The following MTG2 variants were observed in gnomAD, a reference collection of about 807,000 sequenced individuals.
The protein encoded by MTG2 is mitochondrial ribosome-associated GTPase 2.
A neutral mutation model predicts 28.6 loss-of-function variants in MTG2; 23 were observed. The observed-to-expected ratio is 0.80, with a 90% CI of 0.58 to 1.14. The LOEUF is 1.14. Ranked by LOEUF, MTG2 falls within the 50% of genes most tolerant of loss-of-function variation. The pLI, the probability that MTG2 is intolerant of heterozygous loss-of-function variation, is 0.00. For missense variants in MTG2, 539 were observed against 552.0 expected, an observed-to-expected ratio of 0.98 and a Z score of 0.24; for synonymous variants, 260 against 251.8, an observed-to-expected ratio of 1.03 and a Z score of -0.31.
chr20:62,195,770 G>A (rs375869302), intron 2 of MTG2, 32 bp from the exon 3 acceptor site: 3 of 1,613,250 alleles, frequency 1.9e-6, no homozygotes, highest in African/African-American at 2.7e-5. Flanking sequence ...TTGGAGTGTT[G>A]AGATGACGTG....
At chr20:62,194,503 T>C (rs900831678) in intron 2 of MTG2, among the ~76,000 whole-genome samples, 68 of 152,244 alleles carry the variant, frequency 4.5e-4, no homozygotes, top group African/African-American at 1.6e-3. Context: ...GCATTACACA[T>C]TGAAATTTGG....
rs144895756 is a variant in MTG2, at chr20:62,195,887, G to A, written c.290G>A (p.Arg97His). Residue 97 changes from arginine (R) to histidine (H), a missense_variant, in exon 3 of 7, where the codon CGC becomes CAC. Arg to His is a conservative substitution (Grantham distance 29, BLOSUM62 0). Coordinates refer to ENST00000370823, the MANE Select transcript of MTG2 (RefSeq NM_015666.4). The part of the protein sequence containing the change: ...AGASCFHSEP[R>H]KEFGGPDGGD... ...GCAAGCTGCTTCCACAGTGAGCCCCGCAAGGAGTTTGGAGGCCCTGATGGA... is the reference window on the plus strand; with the variant it reads ...GCAAGCTGCTTCCACAGTGAGCCCCACAAGGAGTTTGGAGGCCCTGATGGA... 30 of 1,614,080 alleles carry A rather than the reference G, an allele frequency of 1.9e-5. No individual in the cohort carries two copies. The highest frequency in any genetic ancestry group is 5.0e-5 in the Admixed American group (3 of 60,002).
rs139513186 is a variant in MTG2, at chr20:62,198,834, G to A, written c.669G>A (p.Thr223=). 101 of 1,613,980 alleles carry A rather than the reference G, an allele frequency of 6.3e-5. No homozygotes were observed. The highest frequency in any genetic ancestry group is 3.3e-4 in the Middle Eastern group (2 of 6,084). Residue 223 remains threonine, a synonymous_variant, in exon 5 of 7, where the codon ACG becomes ACA. Transcript: ENST00000370823. ...QQRVLHLELK[T]VAHAGMVGFP... ...GAGTTCTCCACCTGGAGCTCAAGACGGTGGCCCACGCCGGAATGGTAGGTG... is the reference window on the plus strand; with the variant it reads ...GAGTTCTCCACCTGGAGCTCAAGACAGTGGCCCACGCCGGAATGGTAGGTG...
intron 1 of MTG2, among the ~76,000 whole-genome samples, chr20:62,189,780 T>C (rs983823377): frequency 6.7e-6 from 1 of 149,546 alleles, no homozygotes; most frequent in East Asian, 2.0e-4. Flanking sequence ...TTCTCCTGCC[T>C]CAGCCTCCTG....
intron 1 of MTG2, among the ~76,000 whole-genome samples, chr20:62,187,996 T>TG (rs2057881268): frequency 6.6e-6 from 1 of 152,056 alleles, no homozygotes; most frequent in Non-Finnish European, 1.5e-5. Flanking sequence ...TATTTCATGG[T>TG]GGCGGGCGCC....
chr20:62,195,974 G>A (rs565494824), intron 3 of MTG2, 25 bp downstream of exon 3: 122 of 1,612,538 alleles, frequency 7.6e-5, no homozygotes, highest in South Asian at 3.1e-4. Context: ...GCAGTGCAGC[G>A]GGGTTGAGGA....
At chr20:62,185,987 C>T (rs1480239059) in intron 1 of MTG2, among the ~76,000 whole-genome samples, 1 of 152,214 alleles carries the variant, frequency 6.6e-6, no homozygotes, top group Non-Finnish European at 1.5e-5. Flanking sequence ...GTTCAGGTCT[C>T]TGGTTGGCTT....
Position 62,202,427 on chromosome 20 carries a change from C to T in MTG2, c.*1350C>T. 1 of 156,020 alleles carries T rather than the reference C, an allele frequency of 6.4e-6. No homozygotes were observed. The highest frequency in any genetic ancestry group is 1.4e-5 in the Non-Finnish European group (1 of 72,042). The allele number at this position is 156,020 out of a possible 1,614,324, so 9.7% of individuals were successfully genotyped here. On this transcript the variant is annotated 3_prime_UTR_variant, in exon 7 of 7. Coordinates refer to ENST00000370823, the MANE Select transcript of MTG2 (RefSeq NM_015666.4). Reference sequence around the variant, plus strand: ...CTCCAGCCTGAGTGACAGAGCGAGACCCTGTCTCAAAAAACAAACAAACAA... The same window carrying T: ...CTCCAGCCTGAGTGACAGAGCGAGATCCTGTCTCAAAAAACAAACAAACAA...
chr20:62,188,098 T>TC (rs1180072164), intron 1 of MTG2, among the ~76,000 whole-genome samples: 1 of 144,988 alleles, frequency 6.9e-6, no homozygotes, highest in Non-Finnish European at 1.5e-5. Context: ...ACCACTGCAC[T>TC]CCAGCCTGGG....
chr20:62,193,347 C>G, intron 1 of MTG2, 69 bp from the exon 2 acceptor site: 1 of 1,454,162 alleles, frequency 6.9e-7, no homozygotes, highest in South Asian at 1.2e-5. Flanking sequence ...ATGAGGCCCT[C>G]GTCTTCAGTT....
intron 1 of MTG2, among the ~76,000 whole-genome samples, chr20:62,184,104 A>G (rs2145818624): frequency 6.6e-6 from 1 of 152,380 alleles, no homozygotes; most frequent in South Asian, 2.1e-4. Flanking sequence ...CACGCCTGTA[A>G]TCCCAGAACT....
chr20:62,186,528 GTTTTTT>G (rs56818308), intron 1 of MTG2, among the ~76,000 whole-genome samples: 1 of 127,048 alleles, frequency 7.9e-6, no homozygotes, highest in African/African-American at 2.9e-5. Context: ...TTTTTTTTTT[GTTTTTT>G]TTTTTTTTTT....
At position 62,202,976 on chromosome 20, in the gene MTG2, A is replaced by G. The variant is rs2145876571; in HGVS notation, c.*1899A>G. 6.6e-6 allele frequency: 1 copy of G among 152,364 alleles called. No homozygotes were observed. The highest frequency in any genetic ancestry group is 2.1e-4 in the South Asian group (1 of 4,826). 9.4% of individuals were successfully genotyped at this position (152,364 alleles called of 1,614,324 possible). A position where few individuals can be genotyped will look rare whatever the true frequency, so the allele number is the denominator to read the frequency against. ...CTCACATCAAATCTGCAGCTAGAACATGACAGTCCTTTTACCCGAAGCTTT... is the reference window on the plus strand; with the variant it reads ...CTCACATCAAATCTGCAGCTAGAACGTGACAGTCCTTTTACCCGAAGCTTT... On this transcript the variant is annotated 3_prime_UTR_variant, in exon 7 of 7. Coordinates refer to ENST00000370823, the MANE Select transcript of MTG2 (RefSeq NM_015666.4).
chr20:62,184,013 T>C (rs1417659593), intron 1 of MTG2, among the ~76,000 whole-genome samples: 1 of 152,234 alleles, frequency 6.6e-6, no homozygotes, highest in Non-Finnish European at 1.5e-5. Context: ...ACTGAACCTC[T>C]GTGAGTCTCA....
intron 4 of MTG2, chr20:62,198,379 A>G (rs1201361498): frequency 8.7e-6 from 5 of 573,302 alleles, no homozygotes; most frequent in African/African-American, 7.5e-5. Context: ...GTTCACACTA[A>G]CGTTTTAGAA....
rs565227786 is a variant in MTG2, at chr20:62,191,332, C to T, written c.-5-2084C>T. Among the ~76,000 whole-genome samples the T allele has an allele frequency of 1.5e-4, 23 of 152,152 alleles. 1 individual carries two copies. The South Asian group carries it at 1.7e-3, about 11-fold the overall frequency. On this transcript the variant is annotated intron_variant, in intron 1 of 6. Coordinates refer to ENST00000370823, the MANE Select transcript of MTG2 (RefSeq NM_015666.4). ...CCGGGGCCCACGTGGGAGGGGCTGT[C>T]GGTCATGGCCAGTCTCAATGACACC...
At position 62,200,907 on chromosome 20, in the gene MTG2, GA is replaced by G. The variant is rs2058157950; in HGVS notation, c.1053del (p.Ala352ProfsTer22). 1 of 1,614,040 alleles carries G rather than the reference GA, an allele frequency of 6.2e-7. No individual in the cohort carries two copies. Among genetic ancestry groups the G allele is most frequent in the Non-Finnish European group, 8.5e-7 (1 of 1,180,040 alleles). On this transcript the variant is annotated frameshift_variant, in exon 7 of 7. Transcript: ENST00000370823. LOFTEE classifies it low-confidence loss of function (END_TRUNC). ...CGTCGCAAACAAGATTGACCTCCCT[GA>G]AGCCCAAGCCAATCTGTCCCAGCTC... ...AIVANKIDLP[E>X]AQANLSQLRD...
intron 1 of MTG2, among the ~76,000 whole-genome samples, chr20:62,187,849 G>T (rs1280422741): frequency 6.6e-6 from 1 of 152,032 alleles, no homozygotes; most frequent in African/African-American, 2.4e-5. Flanking sequence ...TCTACTCGAC[G>T]CTTACTTTGC....
Position 62,201,036 on chromosome 20 carries a change from G to A in MTG2, c.1180G>A (p.Glu394Lys), listed in dbSNP as rs2058161360. The change falls in exon 7 of 7, where the codon GAG (glutamate) becomes AAG (lysine). Residue 394 changes from glutamate (E) to lysine (K), a missense_variant. Physicochemically the swap from Glu to Lys is moderately conservative, Grantham distance 56. Transcript: ENST00000370823. ...GAAGGTGCTGTATGACGCCTACGCG[G>A]AGGCCGAGCTGGGCCAGGGCCGCCA... ...HLKVLYDAYAEAELGQGRQPL... is the reference protein window; with the variant it reads ...HLKVLYDAYAKAELGQGRQPL... The A allele has an allele frequency of 3.1e-6, 5 of 1,607,760 alleles. No individual in the cohort carries two copies. Among genetic ancestry groups the A allele is most frequent in the South Asian group, 1.1e-5 (1 of 90,874 alleles).
Sources: allele counts gnomAD v4.1 joint callset (sites outside exome capture counted in the v4.1 genomes callset), GRCh38; gene constraint gnomAD v4.1.1; transcripts MANE v1.5; gene names NCBI Gene and HGNC (gene_info 2026-07-23, HGNC 2026-07-21).